GRIK3: variants seen among roughly 807,000 people sequenced by gnomAD.
GRIK3 encodes the protein glutamate receptor ionotropic, kainate 3.
GRIK3 carries 29 observed loss-of-function variants against 102.5 expected under a neutral mutation model. The observed-to-expected ratio is 0.28, with a 90% CI of 0.21 to 0.39. The LOEUF (loss-of-function observed/expected upper bound fraction) is 0.39, where lower values mean the gene tolerates loss of function less well. GRIK3 is among the 10% of genes least tolerant of loss of function. The probability of loss-of-function intolerance (pLI) is 1.00; values close to 1 mark genes in which losing one functional copy is unlikely to be tolerated. For synonymous variants in GRIK3, 511 were observed against 504.9 expected (o/e 1.01, Z -0.16); for missense variants, 908 against 1,252.4 (o/e 0.73, Z 4.15).
chr1:37,033,974 C>A lies in GRIK3; in HGVS notation c.115+20G>T, dbSNP rs1206867116. 1 of 1,459,258 alleles carries A rather than the reference C, an allele frequency of 6.9e-7. No individual in the cohort carries two copies. The highest frequency in any genetic ancestry group is 9.4e-7 in the Non-Finnish European group (1 of 1,060,380). 90.4% of individuals were successfully genotyped at this position (1,459,258 alleles called of 1,614,324 possible). The stretch of plus-strand genomic sequence containing the variant: ...CCCCTCCCGGGCGCACGGAGACCCC[C>A]GGCTCCAGGGAGCGCTTACCGATCC... On this transcript the variant is annotated intron_variant, in intron 1 of 15. Transcript: ENST00000373091.
At chr1:36,808,388 A>C (rs954101264) in intron 13 of GRIK3, among the ~76,000 whole-genome samples, 5 of 152,214 alleles carry the variant, frequency 3.3e-5, no homozygotes, top group Non-Finnish European at 7.3e-5. Flanking sequence ...TTAACTCTCC[A>C]CAAAAGTGAT....
chr1:36,964,051 C>T (rs533779673), intron 1 of GRIK3, among the ~76,000 whole-genome samples: 2 of 152,288 alleles, frequency 1.3e-5, no homozygotes, highest in South Asian at 4.1e-4. Flanking sequence ...TCATGAAGAC[C>T]CCATGGACAA....
At chr1:36,803,099 C>T (rs1322012164) in intron 15 of GRIK3, among the ~76,000 whole-genome samples, 2 of 152,032 alleles carry the variant, frequency 1.3e-5, no homozygotes, top group Non-Finnish European at 2.9e-5. Flanking sequence ...CAGACAGTGA[C>T]AGCCATTAGG....
chr1:36,976,465 C>T (rs1169425332), intron 1 of GRIK3, among the ~76,000 whole-genome samples: 1 of 152,028 alleles, frequency 6.6e-6, no homozygotes, highest in Non-Finnish European at 1.5e-5. Context: ...GGGAATAAGC[C>T]AATTGGGCAG....
chr1:36,994,165 T>C (rs1218781544), intron 1 of GRIK3, among the ~76,000 whole-genome samples: 1 of 152,208 alleles, frequency 6.6e-6, no homozygotes, highest in Non-Finnish European at 1.5e-5. Context: ...AGATCAGGGT[T>C]ACCCCCTTTT....
rs146470233 is a variant in GRIK3, at chr1:36,928,844, C to T, written c.116-37748G>A. On this transcript the variant is annotated intron_variant, in intron 1 of 15. Coordinates refer to ENST00000373091, the MANE Select transcript of GRIK3 (RefSeq NM_000831.4). ...GATGGAGGTAAGATCAGGATGTTCTCAAGGAAGGAGAACTAGGGGCATCTT... is the reference window on the plus strand; with the variant it reads ...GATGGAGGTAAGATCAGGATGTTCTTAAGGAAGGAGAACTAGGGGCATCTT... Among the ~76,000 whole-genome samples, 951 of 152,286 alleles carry T rather than the reference C, an allele frequency of 6.2e-3. 14 individuals are homozygous for T. Among genetic ancestry groups the T allele is most frequent in the African/African-American group, 0.022 (902 of 41,568 alleles).
intron 1 of GRIK3, among the ~76,000 whole-genome samples, chr1:37,011,128 C>T (rs1642591949): frequency 6.6e-6 from 1 of 152,140 alleles, no homozygotes; most frequent in African/African-American, 2.4e-5. Flanking sequence ...GGAAGTCCAG[C>T]ACTATGGAAA....
chr1:36,897,558 A>T (rs1436054845), intron 1 of GRIK3, among the ~76,000 whole-genome samples: 9 of 152,252 alleles, frequency 5.9e-5, no homozygotes, highest in Non-Finnish European at 7.3e-5. Context: ...CACATCATTG[A>T]TCATCAGAAA....
rs148647109 is a variant in GRIK3, at chr1:36,855,643, C to T, written c.1105-1921G>A. Among the ~76,000 whole-genome samples the T allele has an allele frequency of 1.6e-3, 237 of 152,304 alleles. 2 individuals carry two copies. Among genetic ancestry groups the T allele is most frequent in the African/African-American group, 5.4e-3 (226 of 41,568 alleles). ...CACAGGTATAAAAAGGCATATAGAG[C>T]GCTGAGCACAGTGCCTGCATACACA... On this transcript the variant is annotated intron_variant, in intron 7 of 15. Coordinates refer to ENST00000373091, the MANE Select transcript of GRIK3 (RefSeq NM_000831.4).
intron 1 of GRIK3, among the ~76,000 whole-genome samples, chr1:37,024,482 G>C (rs1262819784): frequency 2.9e-5 from 3 of 101,954 alleles, no homozygotes; most frequent in Non-Finnish European, 6.3e-5. Context: ...TTATTATTTT[G>C]AGATATTAAA....
rs3767096 is a variant in GRIK3 at position 36,969,037 on chromosome 1, C to T, written c.115+64957G>A. 8.5e-5 allele frequency among the ~76,000 whole-genome samples: 13 copies of T among 152,290 alleles called. No homozygotes were observed. The East Asian group carries it at 2.5e-3, about 29-fold the overall frequency. ...AGAAGCCAGATTAATGAAATTGATACCATATGCCACCCTCTCTTCCCCCAA... is the reference window on the plus strand; with the variant it reads ...AGAAGCCAGATTAATGAAATTGATATCATATGCCACCCTCTCTTCCCCCAA... On this transcript the variant is annotated intron_variant, in intron 1 of 15. Coordinates refer to ENST00000373091, the MANE Select transcript of GRIK3 (RefSeq NM_000831.4).
chr1:36,827,251 C>A (rs1280728331), intron 10 of GRIK3, among the ~76,000 whole-genome samples: 2 of 152,196 alleles, frequency 1.3e-5, no homozygotes, highest in Non-Finnish European at 2.9e-5. Context: ...CATCCCCAAG[C>A]CCCATCTCAG....
chr1:36,973,377 T>C (rs569526879), intron 1 of GRIK3, among the ~76,000 whole-genome samples: 98 of 151,172 alleles, frequency 6.5e-4, no homozygotes, highest in African/African-American at 2.3e-3. Context: ...GGCTACCTAC[T>C]CCTTCTTTGA....
chr1:37,029,348 G>A (rs1360537018), intron 1 of GRIK3, among the ~76,000 whole-genome samples: 6 of 152,178 alleles, frequency 3.9e-5, no homozygotes, highest in East Asian at 1.9e-4. Context: ...GTTGCCAGGC[G>A]GGGTGTGCAA....
chr1:36,851,423 C>T (rs1640583572), intron 8 of GRIK3, among the ~76,000 whole-genome samples: 1 of 152,222 alleles, frequency 6.6e-6, no homozygotes, highest in Non-Finnish European at 1.5e-5. Flanking sequence ...CACCCAGGGC[C>T]TTGAGGAGAG....
Position 36,850,294 on chromosome 1 carries a change from G to A in GRIK3, c.1326+17C>T, listed in dbSNP as rs1640567124. The A allele has an allele frequency of 3.3e-6, 5 of 1,494,418 alleles. No individual in the cohort carries two copies. The highest frequency in any genetic ancestry group is 1.7e-5 in the Admixed American group (1 of 59,872). The allele number at this position is 1,494,418 out of a possible 1,614,324, so 92.6% of individuals were successfully genotyped here. ...CCAGGTCGGACAGTCCTTCCTGCAG[G>A]GGCTGCAGGCTCTTACCAGCACTGT... On this transcript the variant is annotated intron_variant, in intron 9 of 15. Coordinates refer to ENST00000373091, the MANE Select transcript of GRIK3 (RefSeq NM_000831.4). The surrounding 1 kb of genome is among the most constrained non-coding windows in gnomAD (Gnocchi z 4.0).
intron 1 of GRIK3, among the ~76,000 whole-genome samples, chr1:36,894,281 T>C (rs1391048352): frequency 6.6e-6 from 1 of 152,262 alleles, no homozygotes; most frequent in Non-Finnish European, 1.5e-5. Flanking sequence ...TGGCTTTTTG[T>C]ATTTCGTGTG....
At chr1:36,907,413 G>T (rs1430365199) in intron 1 of GRIK3, among the ~76,000 whole-genome samples, 4 of 152,186 alleles carry the variant, frequency 2.6e-5, no homozygotes, top group Non-Finnish European at 5.9e-5. Flanking sequence ...TTTTCATACA[G>T]TGATGTCCGA....
chr1:36,829,459 G>C (rs945154787), intron 10 of GRIK3, among the ~76,000 whole-genome samples: 1 of 151,618 alleles, frequency 6.6e-6, no homozygotes, highest in Non-Finnish European at 1.5e-5. Flanking sequence ...AAGCTCCTTG[G>C]TCTTTGCTAT....
Sources: allele counts gnomAD v4.1 joint callset (sites outside exome capture counted in the v4.1 genomes callset), GRCh38; gene constraint gnomAD v4.1.1; non-coding constraint Gnocchi (gnomAD v3.1); transcripts MANE v1.5; gene names NCBI Gene and HGNC (gene_info 2026-07-23, HGNC 2026-07-21).